EXOC8: variants seen among roughly 807,000 people sequenced by gnomAD.
The protein encoded by EXOC8 is exocyst complex component 8.
Under a neutral mutation model 50.8 loss-of-function variants are expected in EXOC8, and 19 were observed. The observed-to-expected ratio is 0.37, with a 90% confidence interval of 0.26 to 0.55. The LOEUF is 0.55. Among genes scored for constraint, EXOC8 ranks in the 20% least tolerant of loss-of-function variants. EXOC8 has a pLI of 0.80. For missense variants in EXOC8, 781 were observed against 915.8 expected (o/e 0.85, Z 1.90); for synonymous variants, 384 against 367.9 (o/e 1.04, Z -0.50).
chr1:231,336,419 T>C lies in EXOC8; in HGVS notation c.1327A>G (p.Ile443Val), dbSNP rs374927181. The change falls in exon 1 of 1, where the codon ATT becomes GTT. Residue 443 changes from isoleucine (I) to valine (V), a missense_variant. Ile to Val is a conservative substitution (Grantham distance 29). Coordinates refer to ENST00000366645, the MANE Select transcript of EXOC8 (RefSeq NM_175876.5). This position sits in a 1 kb window ranked among gnomAD's most constrained non-coding sequence, Gnocchi z 5.4. The part of the protein sequence containing the change: ...RNRAAAVHTA[I>V]RQLRIEGATL... The stretch of plus-strand genomic sequence containing the variant: ...GCACCTTCGATGCGAAGCTGACGAA[T>C]TGCAGTATGAACAGCGGCTGCCCTG... 5.0e-6 allele frequency: 8 copies of C among 1,614,038 alleles called. No individual in the cohort carries two copies. The highest frequency in any genetic ancestry group is 1.1e-5 in the South Asian group (1 of 91,078).
Position 231,335,159 on chromosome 1 carries a change from G to T in EXOC8, c.*409C>A. On this transcript the variant is annotated 3_prime_UTR_variant, in exon 1 of 1. Transcript: ENST00000366645. Reference sequence around the variant, plus strand: ...GGAGGCTGAGGTGGGAGGACTACCTGGGCCCGGGAGGTCAAGGCTGCAGTG... The same window carrying T: ...GGAGGCTGAGGTGGGAGGACTACCTTGGCCCGGGAGGTCAAGGCTGCAGTG... 6.5e-6 allele frequency: 1 copy of T among 152,750 alleles called. No individual in the cohort carries two copies. The highest frequency in any genetic ancestry group is 2.1e-4 in the South Asian group (1 of 4,844). The allele number at this position is 152,750 out of a possible 1,614,324, so 9.5% of individuals were successfully genotyped here. A position where few individuals can be genotyped will look rare whatever the true frequency, so the allele number is the denominator to read the frequency against.
At position 231,333,973 on chromosome 1, in the gene EXOC8, A is replaced by G. The variant is rs1330040828; in HGVS notation, c.*1595T>C. The G allele has an allele frequency of 2.0e-5, 3 of 152,216 alleles. No individual in the cohort carries two copies. Among genetic ancestry groups the G allele is most frequent in the East Asian group, 3.8e-4 (2 of 5,200 alleles). 9.4% of individuals were successfully genotyped at this position (152,216 alleles called of 1,614,324 possible). A position where few individuals can be genotyped will look rare whatever the true frequency, so the allele number is the denominator to read the frequency against. The stretch of plus-strand genomic sequence containing the variant: ...TTGGTGCTTATGGACAAGAATCACA[A>G]CTAGAAGCTAGAGACAAAATGGATC... On this transcript the variant is annotated 3_prime_UTR_variant, in exon 1 of 1. Coordinates refer to ENST00000366645, the MANE Select transcript of EXOC8 (RefSeq NM_175876.5).
rs1243156140 is a variant in EXOC8 at position 231,333,351 on chromosome 1, C to T, written c.*2217G>A. ...CACCAAAGCATACTTCCTTCAGCTACAACTGTAATTGGAACACACAGATTT... is the reference window on the plus strand; with the variant it reads ...CACCAAAGCATACTTCCTTCAGCTATAACTGTAATTGGAACACACAGATTT... On this transcript the variant is annotated 3_prime_UTR_variant, in exon 1 of 1. Coordinates refer to ENST00000366645, the MANE Select transcript of EXOC8 (RefSeq NM_175876.5). 2.0e-5 allele frequency: 3 copies of T among 152,232 alleles called. No homozygotes were observed. Among genetic ancestry groups the T allele is most frequent in the Non-Finnish European group, 4.4e-5 (3 of 68,040 alleles). 9.4% of individuals were successfully genotyped at this position (152,232 alleles called of 1,614,324 possible). A position where few individuals can be genotyped will look rare whatever the true frequency, so the allele number is the denominator to read the frequency against.
chr1:231,337,779 T>G lies in EXOC8; in HGVS notation c.-34A>C. The G allele has an allele frequency of 1.3e-6, 2 of 1,547,358 alleles. No individual in the cohort carries two copies. The highest frequency in any genetic ancestry group is 1.2e-5 in the South Asian group (1 of 81,248). On this transcript the variant is annotated 5_prime_UTR_variant, in exon 1 of 1. Transcript: ENST00000366645. This position sits in a 1 kb window ranked among gnomAD's most constrained non-coding sequence, Gnocchi z 5.9. ...GGGTCTCACGCACTCACTGTCACTATCGGCGCCGCAGCCGCCGCGGCTGTC... is the reference window on the plus strand; with the variant it reads ...GGGTCTCACGCACTCACTGTCACTAGCGGCGCCGCAGCCGCCGCGGCTGTC...
rs1686694905 is a variant in EXOC8, at chr1:231,337,012, G to A, written c.734C>T (p.Pro245Leu). ...GLAVVNVKDN[P>L]PMKDMFKLLM... ...CAGCTTGAACATGTCCTTCATGGGCGGGTTGTCCTTGACATTGACTACGGC... is the reference window on the plus strand; with the variant it reads ...CAGCTTGAACATGTCCTTCATGGGCAGGTTGTCCTTGACATTGACTACGGC... Residue 245 changes from proline (P) to leucine (L), a missense_variant, in exon 1 of 1, where the codon CCG (proline) becomes CTG (leucine). By Grantham distance (98) the Pro-to-Leu change is moderately conservative. Transcript: ENST00000366645. This position sits in a 1 kb window ranked among gnomAD's most constrained non-coding sequence, Gnocchi z 5.9. The A allele has an allele frequency of 1.2e-6, 2 of 1,614,078 alleles. No homozygotes were observed. The highest frequency in any genetic ancestry group is 1.7e-6 in the Non-Finnish European group (2 of 1,180,026).
chr1:231,337,719 C>T lies in EXOC8; in HGVS notation c.27G>A (p.Gly9=), dbSNP rs755540871. 6.2e-7 allele frequency: 1 copy of T among 1,603,992 alleles called. No individual in the cohort carries two copies. Among genetic ancestry groups the T allele is most frequent in the Non-Finnish European group, 8.5e-7 (1 of 1,176,618 alleles). The change falls in exon 1 of 1, where the codon GGG becomes GGA. Residue 9 remains glycine (G), a synonymous_variant. Coordinates refer to ENST00000366645, the MANE Select transcript of EXOC8 (RefSeq NM_175876.5). The surrounding 1 kb of genome is among the most constrained non-coding windows in gnomAD (Gnocchi z 5.9). MAMAMSDS[G]ASRLRRQLES... ...CCAGCTGCCGACGCAGGCGGCTCGC[C>T]CCACTGTCCGACATCGCCATCGCCA...
chr1:231,336,118 A>G lies in EXOC8; in HGVS notation c.1628T>C (p.Ile543Thr), dbSNP rs1686667753. The change falls in exon 1 of 1, where the codon ATC (isoleucine) becomes ACC (threonine). Residue 543 changes from isoleucine (I) to threonine (T), a missense_variant. By Grantham distance (89) the Ile-to-Thr change is moderately conservative. This residue lies in a region of EXOC8 where 700 missense variants were observed against 804.1 expected (regional missense o/e 0.87). Coordinates refer to ENST00000366645, the MANE Select transcript of EXOC8 (RefSeq NM_175876.5). This position sits in a 1 kb window ranked among gnomAD's most constrained non-coding sequence, Gnocchi z 5.4. Reference sequence around the variant, plus strand: ...GATGTCTTTCACCAGAAGGGCATGGATGATGAAGGTGAGATCCAGTCCGAT... The same window carrying G: ...GATGTCTTTCACCAGAAGGGCATGGGTGATGAAGGTGAGATCCAGTCCGAT... ...GDIGLDLTFI[I>T]HALLVKDIQG... 6.2e-7 allele frequency: 1 copy of G among 1,614,102 alleles called. No individual in the cohort carries two copies. The highest frequency in any genetic ancestry group is 1.1e-5 in the South Asian group (1 of 91,088).
At position 231,336,788 on chromosome 1, in the gene EXOC8, GTTC is replaced by G. The variant is rs778746897; in HGVS notation, c.955_957del (p.Glu319del). The G allele has an allele frequency of 9.7e-5, 156 of 1,614,164 alleles. No homozygotes were observed. The African/African-American group carries it at 1.4e-3, about 15-fold the overall frequency. On this transcript the variant is annotated inframe_deletion, in exon 1 of 1. Coordinates refer to ENST00000366645, the MANE Select transcript of EXOC8 (RefSeq NM_175876.5). This position sits in a 1 kb window ranked among gnomAD's most constrained non-coding sequence, Gnocchi z 5.4. Reference sequence around the variant, plus strand: ...TCTTCCTCTACCTCAGGAACAGCTGGTTCTTCTTCTTCGTCATCCTCAAATGGG... The same window carrying G: ...TCTTCCTCTACCTCAGGAACAGCTGGTTCTTCTTCGTCATCCTCAAATGGG...
chr1:231,336,566 G>A lies in EXOC8; in HGVS notation c.1180C>T (p.Leu394=). ...EERVRQLTEV[L]VFELSPDRSL... ...CGATCTGGGGAGAGTTCGAAAACTA[G>A]CACCTCAGTGAGCTGTCGAACTCGC... The change falls in exon 1 of 1, where the codon CTA becomes TTA. Residue 394 remains leucine, a synonymous_variant. Coordinates refer to ENST00000366645, the MANE Select transcript of EXOC8 (RefSeq NM_175876.5). This position sits in a 1 kb window ranked among gnomAD's most constrained non-coding sequence, Gnocchi z 5.4. 6.2e-7 allele frequency: 1 copy of A among 1,614,102 alleles called. No homozygotes were observed. The highest frequency in any genetic ancestry group is 8.5e-7 in the Non-Finnish European group (1 of 1,180,032).
rs1360669914 is a variant in EXOC8 at position 231,336,433 on chromosome 1, G to A, written c.1313C>T (p.Ala438Val). 1.5e-5 allele frequency: 25 copies of A among 1,613,948 alleles called. No individual in the cohort carries two copies. Among genetic ancestry groups the A allele is most frequent in the Non-Finnish European group, 2.1e-5 (25 of 1,180,040 alleles). Reference protein sequence around the residue: ...CELFLRNRAAAVHTAIRQLRI... With the variant: ...CELFLRNRAAVVHTAIRQLRI... ...AAGCTGACGAATTGCAGTATGAACAGCGGCTGCCCTGTTTCTCAAAAATAG... is the reference window on the plus strand; with the variant it reads ...AAGCTGACGAATTGCAGTATGAACAACGGCTGCCCTGTTTCTCAAAAATAG... The change falls in exon 1 of 1, where the codon GCT becomes GTT. Residue 438 changes from alanine (A) to valine (V), a missense_variant. Ala to Val is a moderately conservative substitution (Grantham distance 64). Coordinates refer to ENST00000366645, the MANE Select transcript of EXOC8 (RefSeq NM_175876.5). The surrounding 1 kb of genome is among the most constrained non-coding windows in gnomAD (Gnocchi z 5.4).
Position 231,335,680 on chromosome 1 carries a change from AC to A in EXOC8, c.2065del (p.Val689TrpfsTer19), listed in dbSNP as rs751701274. ...CACACCTTCTTCAAACCTTTTCTCCACCACAGGGAGGACTGTTTCATATAAA... is the reference window on the plus strand; with the variant it reads ...CACACCTTCTTCAAACCTTTTCTCCACACAGGGAGGACTGTTTCATATAAA... ...SFLYETVLPV[V>X]EKRFEEGVGK... On this transcript the variant is annotated frameshift_variant, in exon 1 of 1. Coordinates refer to ENST00000366645, the MANE Select transcript of EXOC8 (RefSeq NM_175876.5). LOFTEE classifies it high-confidence loss of function. 1 of 1,614,184 alleles carries A rather than the reference AC, an allele frequency of 6.2e-7. No homozygotes were observed.
chr1:231,333,998 C>T lies in EXOC8; in HGVS notation c.*1570G>A, dbSNP rs566134350. 6.6e-6 allele frequency: 1 copy of T among 152,244 alleles called. No homozygotes were observed. The highest frequency in any genetic ancestry group is 1.5e-5 in the Non-Finnish European group (1 of 68,014). 9.4% of individuals were successfully genotyped at this position (152,244 alleles called of 1,614,324 possible). On this transcript the variant is annotated 3_prime_UTR_variant, in exon 1 of 1. Transcript: ENST00000366645. ...ACTAGAAGCTAGAGACAAAATGGAT[C>T]ACAGCAAGCACAGTTTCCCTCAAAG...
Position 231,336,798 on chromosome 1 carries a change from T to G in EXOC8, c.948A>C (p.Glu316Asp), listed in dbSNP as rs1241516115. Reference protein sequence around the residue: ...SKATNPFEDDEEEEPAVPEVE... With the variant: ...SKATNPFEDDDEEEPAVPEVE... ...CCTCAGGAACAGCTGGTTCTTCTTC[T>G]TCGTCATCCTCAAATGGGTTAGTGG... The change falls in exon 1 of 1, where the codon GAA (glutamate) becomes GAC (aspartate). Residue 316 changes from glutamate to aspartate, a missense_variant. Physicochemically the swap from Glu to Asp is conservative, Grantham distance 45 (BLOSUM62 2). Transcript: ENST00000366645. The surrounding 1 kb of genome is among the most constrained non-coding windows in gnomAD (Gnocchi z 5.4). 3.7e-6 allele frequency: 6 copies of G among 1,614,068 alleles called. No individual in the cohort carries two copies. Among genetic ancestry groups the G allele is most frequent in the Middle Eastern group, 1.6e-4 (1 of 6,084 alleles).
chr1:231,336,967 C>A lies in EXOC8; in HGVS notation c.779G>T (p.Arg260Leu). The part of the protein sequence containing the change: ...MFKLLMFPES[R>L]IFQAENAKIK... ...TTTAGCATTTTCGGCCTGGAAAATA[C>A]GGCTCTCGGGGAACATAAGCAGCTT... The change falls in exon 1 of 1, where the codon CGT (arginine) becomes CTT (leucine). Residue 260 changes from arginine to leucine, a missense_variant. Around this residue, in one of 3 missense-constraint regions of EXOC8, gnomAD observed 700 missense variants for 804.1 expected, o/e 0.87. Transcript: ENST00000366645. This position sits in a 1 kb window ranked among gnomAD's most constrained non-coding sequence, Gnocchi z 5.4. The A allele has an allele frequency of 1.2e-6, 2 of 1,614,134 alleles. No homozygotes were observed. The highest frequency in any genetic ancestry group is 1.7e-6 in the Non-Finnish European group (2 of 1,180,036).
Position 231,336,570 on chromosome 1 carries a change from C to G in EXOC8, c.1176G>C (p.Glu392Asp). Residue 392 changes from glutamate to aspartate, a missense_variant, in exon 1 of 1, where the codon GAG (glutamate) becomes GAC (aspartate). Glu to Asp is a conservative substitution (Grantham distance 45, BLOSUM62 2). Around this residue, in one of 3 missense-constraint regions of EXOC8, gnomAD observed 700 missense variants for 804.1 expected, o/e 0.87. Coordinates refer to ENST00000366645, the MANE Select transcript of EXOC8 (RefSeq NM_175876.5). This position sits in a 1 kb window ranked among gnomAD's most constrained non-coding sequence, Gnocchi z 5.4. ...KVEERVRQLT[E>D]VLVFELSPDR... ...CTGGGGAGAGTTCGAAAACTAGCACCTCAGTGAGCTGTCGAACTCGCTCCT... is the reference window on the plus strand; with the variant it reads ...CTGGGGAGAGTTCGAAAACTAGCACGTCAGTGAGCTGTCGAACTCGCTCCT... 1 of 1,614,128 alleles carries G rather than the reference C, an allele frequency of 6.2e-7. No individual in the cohort carries two copies. The highest frequency in any genetic ancestry group is 8.5e-7 in the Non-Finnish European group (1 of 1,180,036).
At position 231,333,956 on chromosome 1, in the gene EXOC8, T is replaced by C. The variant is rs1233223767; in HGVS notation, c.*1612A>G. ...AATCATGGGCATCAAATTTGGTGCT[T>C]ATGGACAAGAATCACAACTAGAAGC... On this transcript the variant is annotated 3_prime_UTR_variant, in exon 1 of 1. Transcript: ENST00000366645. 1 of 152,168 alleles carries C rather than the reference T, an allele frequency of 6.6e-6. No homozygotes were observed. The highest frequency in any genetic ancestry group is 1.9e-4 in the East Asian group (1 of 5,192). 9.4% of individuals were successfully genotyped at this position (152,168 alleles called of 1,614,324 possible).
In EXOC8 at chr1:231,336,618, T is replaced by C. The variant is rs775206321; in HGVS notation, c.1128A>G (p.Val376=). 3 of 1,614,158 alleles carry C rather than the reference T, an allele frequency of 1.9e-6. No individual in the cohort carries two copies. The highest frequency in any genetic ancestry group is 8.5e-7 in the Non-Finnish European group (1 of 1,180,026). ...YLEDKPSPPP[V]KELRAKVEER... is the part of the protein sequence containing the mutation. ...CCTCCACTTTGGCCCTTAGTTCTTT[T>C]ACAGGAGGTGGGCTAGGTTTATCTT... is the stretch of plus-strand genomic sequence containing the variant. Residue 376 remains valine, a synonymous_variant, in exon 1 of 1, where the codon GTA becomes GTG. Coordinates refer to ENST00000366645, the MANE Select transcript of EXOC8 (RefSeq NM_175876.5). The surrounding 1 kb of genome is among the most constrained non-coding windows in gnomAD (Gnocchi z 5.4).
Position 231,333,731 on chromosome 1 carries a change from AAAATCTGT to A in EXOC8, c.*1829_*1836del, listed in dbSNP as rs1207141050. ...GTTATGTGAAAAAAATTAGTCAAAG[AAAATCTGT>A]AAATCTGATACTTTCCAATATTTTA... On this transcript the variant is annotated 3_prime_UTR_variant, in exon 1 of 1. Coordinates refer to ENST00000366645, the MANE Select transcript of EXOC8 (RefSeq NM_175876.5). The A allele has an allele frequency of 2.6e-5, 4 of 152,664 alleles. No individual in the cohort carries two copies. The highest frequency in any genetic ancestry group is 5.9e-5 in the Non-Finnish European group (4 of 68,034). 9.5% of individuals were successfully genotyped at this position (152,664 alleles called of 1,614,324 possible).
In EXOC8 at chr1:231,336,212, T is replaced by G; in HGVS notation, c.1534A>C (p.Lys512Gln). 6.2e-7 allele frequency: 1 copy of G among 1,614,044 alleles called. No individual in the cohort carries two copies. The highest frequency in any genetic ancestry group is 8.5e-7 in the Non-Finnish European group (1 of 1,180,016). ...DAFSKQVFDS[K>Q]ESLSTAAECV... ...TCAGCTGCTGTAGAGAGGCTCTCCT[T>G]ACTATCAAACACCTGCTTGCTAAAA... The change falls in exon 1 of 1, where the codon AAG becomes CAG. Residue 512 changes from lysine (K) to glutamine (Q), a missense_variant. Lys to Gln is a moderately conservative substitution (Grantham distance 53, BLOSUM62 1). Coordinates refer to ENST00000366645, the MANE Select transcript of EXOC8 (RefSeq NM_175876.5). This position sits in a 1 kb window ranked among gnomAD's most constrained non-coding sequence, Gnocchi z 5.4.
Sources: gnomAD v4.1 joint callset for allele counts on GRCh38, gnomAD v4.1.1 for gene constraint, gnomAD v4.1.1 regional missense constraint, Gnocchi (gnomAD v3.1) non-coding constraint, MANE v1.5 for transcripts, NCBI Gene and HGNC (gene_info 2026-07-23, HGNC 2026-07-21) for gene names.